Variants in RUVBL2 observed in about 807,000 individuals in gnomAD.
RUVBL2 encodes the protein ruvB-like 2.
RUVBL2 carries 9 observed loss-of-function variants against 57.9 expected under a neutral mutation model. The ratio of observed to expected loss-of-function variants is 0.16; its 90% CI spans 0.09 to 0.27. RUVBL2 has a LOEUF of 0.27. Ranked by LOEUF, RUVBL2 falls within the 10% of genes least tolerant of loss-of-function variation. The pLI is 1.00. For synonymous variants in RUVBL2, 278 were observed against 264.6 expected, an observed-to-expected ratio of 1.05 and a Z score of -0.49; for missense variants, 456 against 669.6, an observed-to-expected ratio of 0.68 and a Z score of 3.52.
chr19:49,005,919 C>T (rs1288426551), intron 4 of RUVBL2, among the ~76,000 whole-genome samples: 2 of 152,224 alleles, frequency 1.3e-5, no homozygotes, highest in African/African-American at 4.8e-5. Flanking sequence ...GGATTACAGG[C>T]GGGAGCCTGT....
At chr19:49,001,987 G>A (rs370491870) in intron 2 of RUVBL2, among the ~76,000 whole-genome samples, 7 of 152,000 alleles carry the variant, frequency 4.6e-5, no homozygotes, top group South Asian at 2.1e-4. Context: ...CTTGCAGTGC[G>A]AAGGCAGCCA....
chr19:49,014,746 C>T (rs1469998866), intron 12 of RUVBL2, 143 bp downstream of exon 12: 1 of 1,236,394 alleles, frequency 8.1e-7, no homozygotes, highest in Admixed American at 2.5e-5. Context: ...AGACGGTGGC[C>T]TCCGATCCGG....
chr19:48,993,561 G>C (rs1284882978), upstream of RUVBL2: 1 of 471,874 alleles, frequency 2.1e-6, no homozygotes, highest in Non-Finnish European at 3.9e-6. Flanking sequence ...GCCTCAAAGT[G>C]GGGAGGAGGA....
intron 2 of RUVBL2, among the ~76,000 whole-genome samples, chr19:49,000,036 C>A (rs2122588363): frequency 6.6e-6 from 1 of 152,308 alleles, no homozygotes; most frequent in Admixed American, 6.5e-5. Flanking sequence ...GCAGTAAGGG[C>A]TTCTGGCTGT....
At chr19:48,996,071 C>G (rs2039053082) in intron 1 of RUVBL2, among the ~76,000 whole-genome samples, 1 of 150,620 alleles carries the variant, frequency 6.6e-6, no homozygotes, top group East Asian at 1.9e-4. Flanking sequence ...ACTTGGGAGA[C>G]TAAGGTGGGA....
intron 11 of RUVBL2, among the ~76,000 whole-genome samples, chr19:49,013,775 G>A (rs1000073972): frequency 6.6e-5 from 10 of 152,296 alleles, no homozygotes; most frequent in Admixed American, 5.2e-4. Flanking sequence ...CTAGCTGGGC[G>A]TGATGGCGTG....
In RUVBL2 at chr19:48,999,368, G is replaced by A. The variant is rs1380097132; in HGVS notation, c.62G>A (p.Arg21Gln). Residue 21 changes from arginine to glutamine, a missense_variant, in exon 2 of 15, where the codon CGA (arginine) becomes CAA (glutamine). Arg to Gln is a conservative substitution (Grantham distance 43). This residue lies in a region of RUVBL2 where 4 missense variants were observed against 25.3 expected (regional missense o/e 0.16). Coordinates refer to ENST00000595090, the MANE Select transcript of RUVBL2 (RefSeq NM_006666.3). ...ATCCGTGATGTAACAAGGATTGAGCGAATCGGTGAGTGAGTTGGGTCAGGA... is the reference window on the plus strand; with the variant it reads ...ATCCGTGATGTAACAAGGATTGAGCAAATCGGTGAGTGAGTTGGGTCAGGA... ...PEIRDVTRIE[R>Q]IGAHSHIRGL... The A allele has an allele frequency of 1.9e-6, 3 of 1,614,212 alleles. No homozygotes were observed. The highest frequency in any genetic ancestry group is 2.2e-5 in the East Asian group (1 of 44,892).
chr19:48,993,934 G>T lies in RUVBL2; in HGVS notation c.12+11G>T. ...ATCATGGCAACCGTTGTAAGTGTGG[G>T]TGCATGGAGGGTGAGGAGCGAGCTA... On this transcript the variant is annotated intron_variant, in intron 1 of 14. Coordinates refer to ENST00000595090, the MANE Select transcript of RUVBL2 (RefSeq NM_006666.3). 1 of 1,614,068 alleles carries T rather than the reference G, an allele frequency of 6.2e-7. No individual in the cohort carries two copies. The highest frequency in any genetic ancestry group is 8.5e-7 in the Non-Finnish European group (1 of 1,180,000).
intron 6 of RUVBL2, among the ~76,000 whole-genome samples, chr19:49,007,629 C>T (rs1359618691): frequency 6.6e-6 from 1 of 152,102 alleles, no homozygotes; most frequent in East Asian, 1.9e-4. Context: ...CCTCAAAACC[C>T]AACAGACTTC....
At chr19:49,010,144 T>G in intron 8 of RUVBL2, 78 bp downstream of exon 8, 5 of 1,286,180 alleles carry the variant, frequency 3.9e-6, no homozygotes, top group Non-Finnish European at 5.5e-6. Context: ...CCTTGACCCA[T>G]GGGGTCTGGA....
intron 1 of RUVBL2, among the ~76,000 whole-genome samples, chr19:48,997,929 G>A (rs753769553): frequency 6.6e-5 from 10 of 152,074 alleles, no homozygotes; most frequent in Admixed American, 3.3e-4. Flanking sequence ...GGGAAGCCTC[G>A]GTATATTCTT....
upstream of RUVBL2, chr19:48,993,503 G>T: frequency 4.7e-6 from 2 of 429,640 alleles, no homozygotes; most frequent in South Asian, 4.3e-5. Context: ...TTGCCGCTGC[G>T]CTTTACGGAA....
At position 49,004,387 on chromosome 19, in the gene RUVBL2, G is replaced by C; in HGVS notation, c.234G>C (p.Gln78His). 1 of 1,613,148 alleles carries C rather than the reference G, an allele frequency of 6.2e-7. No homozygotes were observed. Residue 78 changes from glutamine (Q) to histidine (H), a missense_variant, in exon 4 of 15, where the codon CAG becomes CAC. Physicochemically the swap from Gln to His is conservative, Grantham distance 24. Coordinates refer to ENST00000595090, the MANE Select transcript of RUVBL2 (RefSeq NM_006666.3). ...GTCGGGCAGTCCTTATTGCTGGCCAGCCGGGCACGGGGAAGACGGCCATCG... is the reference window on the plus strand; with the variant it reads ...GTCGGGCAGTCCTTATTGCTGGCCACCCGGGCACGGGGAAGACGGCCATCG... ...IAGRAVLIAG[Q>H]PGTGKTAIAM... is the part of the protein sequence containing the mutation.
chr19:48,997,794 C>T (rs781205184), intron 1 of RUVBL2, among the ~76,000 whole-genome samples: 6 of 152,086 alleles, frequency 3.9e-5, no homozygotes, highest in African/African-American at 7.2e-5. Context: ...CGTGAACACT[C>T]GTGTCCATGT....
At chr19:49,007,253 C>T in intron 5 of RUVBL2, 49 bp from the exon 6 acceptor site, 1 of 1,608,152 alleles carries the variant, frequency 6.2e-7, no homozygotes, top group Non-Finnish European at 8.5e-7. Flanking sequence ...GTTGTGATTC[C>T]CGAGGGTCCA....
intron 4 of RUVBL2, 111 bp from the exon 5 acceptor site, chr19:49,006,907 T>C (rs2039291765): frequency 6.4e-6 from 9 of 1,401,312 alleles, no homozygotes; most frequent in East Asian, 2.3e-5. Context: ...ACATGTAGGA[T>C]GGCACTGAAC....
intron 3 of RUVBL2, among the ~76,000 whole-genome samples, chr19:49,003,976 C>T (rs2039232906): frequency 6.6e-6 from 1 of 151,640 alleles, no homozygotes; most frequent in Non-Finnish European, 1.5e-5. Context: ...ATTAGCTGGA[C>T]ATGGTGGTGC....
rs183088606 is a variant in RUVBL2, at chr19:49,011,875, G to A, written c.1001+565G>A. ...CTGAGGATGCCGGGGACAGATTCCT[G>A]TGACACAGAGGGTACTGTGCTGTGC... On this transcript the variant is annotated intron_variant, in intron 11 of 14. Transcript: ENST00000595090. This position sits in a 1 kb window ranked among gnomAD's most constrained non-coding sequence, Gnocchi z 4.4. 1.7e-5 allele frequency among the ~76,000 whole-genome samples: 2 copies of A among 116,116 alleles called. No individual in the cohort carries two copies. Among genetic ancestry groups the A allele is most frequent in the Admixed American group, 1.0e-4 (1 of 9,552 alleles). The allele number at this position is 116,116 out of a possible 152,430, so 76.2% of individuals were successfully genotyped here.
intron 4 of RUVBL2, among the ~76,000 whole-genome samples, chr19:49,006,360 A>G (rs1600182198): frequency 6.6e-6 from 1 of 152,214 alleles, no homozygotes; most frequent in Admixed American, 6.5e-5. Flanking sequence ...CCTGCCAGCC[A>G]CCCCAGGCCA....
Sources: allele counts gnomAD v4.1 joint callset (sites outside exome capture counted in the v4.1 genomes callset), GRCh38; gene constraint gnomAD v4.1.1; regional missense constraint gnomAD v4.1.1; non-coding constraint Gnocchi (gnomAD v3.1); transcripts MANE v1.5; gene names NCBI Gene and HGNC (gene_info 2026-07-23, HGNC 2026-07-21).